Variants in CARD19 observed in about 807,000 individuals in gnomAD.
CARD19 encodes the protein caspase recruitment domain family member 19, also known as caspase recruitment domain-containing protein 19.
A neutral mutation model predicts 24.1 loss-of-function variants in CARD19; 25 were observed. That is an observed-to-expected ratio of 1.04 (90% CI 0.76 to 1.45). The LOEUF (loss-of-function observed/expected upper bound fraction) is 1.45. Among genes scored for constraint, CARD19 ranks in the 40% most tolerant of loss-of-function variants. CARD19 has a pLI of 0.00. For missense variants in CARD19, 241 were observed against 247.4 expected, an observed-to-expected ratio of 0.97 and a Z score of 0.17; for synonymous variants, 103 against 104.9, an observed-to-expected ratio of 0.98 and a Z score of 0.11.
At chr9:93,100,700 C>T (rs1297054022) in intron 1 of CARD19, among the ~76,000 whole-genome samples, 1 of 152,212 alleles carries the variant, frequency 6.6e-6, no homozygotes, top group Non-Finnish European at 1.5e-5. Flanking sequence ...AATTTTGTAC[C>T]CGTTAAACAA....
chr9:93,101,543 G>A (rs1188745982), intron 1 of CARD19, among the ~76,000 whole-genome samples: 2 of 151,852 alleles, frequency 1.3e-5, no homozygotes, highest in South Asian at 2.1e-4. Flanking sequence ...GGGTTGAAGC[G>A]ATTCTCCTGC....
chr9:93,096,824 G>T lies in CARD19; in HGVS notation c.7+472G>T, dbSNP rs1411069334. Among the ~76,000 whole-genome samples the T allele has an allele frequency of 6.6e-6, 1 of 152,196 alleles. No individual in the cohort carries two copies. Among genetic ancestry groups the T allele is most frequent in the Non-Finnish European group, 1.5e-5 (1 of 68,020 alleles). ...TCCTTACAACCACCCCAGCGAGGTC[G>T]CGGGACAGGCGATGCGTTCCTCGGC... On this transcript the variant is annotated intron_variant, in intron 1 of 5. Coordinates refer to ENST00000375464, the MANE Select transcript of CARD19 (RefSeq NM_032310.5). This position sits in a 1 kb window ranked among gnomAD's most constrained non-coding sequence, Gnocchi z 5.4.
intron 2 of CARD19, among the ~76,000 whole-genome samples, chr9:93,108,130 G>T (rs1477084422): frequency 6.6e-6 from 1 of 152,132 alleles, no homozygotes; most frequent in Non-Finnish European, 1.5e-5. Context: ...AATACATGAA[G>T]CACACAACAG....
intron 1 of CARD19, among the ~76,000 whole-genome samples, chr9:93,102,708 A>G (rs1273985980): frequency 6.7e-6 from 1 of 149,560 alleles, no homozygotes. Context: ...TTGAAATTCT[A>G]TATGAGTTTT....
chr9:93,112,831 C>T (rs1048257614), intron 5 of CARD19, among the ~76,000 whole-genome samples, 161 bp from the exon 6 acceptor site: 6 of 152,190 alleles, frequency 3.9e-5, no homozygotes, highest in Admixed American at 1.3e-4. Context: ...GCTCTGGAAT[C>T]TGCCCTAATT....
Position 93,096,648 on chromosome 9 carries a change from T to A in CARD19, c.7+296T>A, listed in dbSNP as rs1225642786. 6.6e-6 allele frequency among the ~76,000 whole-genome samples: 1 copy of A among 152,156 alleles called. No individual in the cohort carries two copies. Among genetic ancestry groups the A allele is most frequent in the Non-Finnish European group, 1.5e-5 (1 of 68,024 alleles). ...CTACAAGGCAGCTCCAGGGTGGGGCTGCACAGCCGCGGTCTGGGCTCAGCC... is the reference window on the plus strand; with the variant it reads ...CTACAAGGCAGCTCCAGGGTGGGGCAGCACAGCCGCGGTCTGGGCTCAGCC... On this transcript the variant is annotated intron_variant, in intron 1 of 5. Transcript: ENST00000375464. The surrounding 1 kb of genome is among the most constrained non-coding windows in gnomAD (Gnocchi z 5.4).
At chr9:93,102,109 G>A (rs751035691) in intron 1 of CARD19, among the ~76,000 whole-genome samples, 2 of 151,816 alleles carry the variant, frequency 1.3e-5, no homozygotes, top group Non-Finnish European at 2.9e-5. Flanking sequence ...TTACAGGCAC[G>A]CACCACCATG....
rs1221973722 is a variant in CARD19 at position 93,096,979 on chromosome 9, G to A, written c.7+627G>A. Among the ~76,000 whole-genome samples the A allele has an allele frequency of 6.6e-6, 1 of 152,154 alleles. No homozygotes were observed. Among genetic ancestry groups the A allele is most frequent in the Admixed American group, 6.5e-5 (1 of 15,280 alleles). On this transcript the variant is annotated intron_variant, in intron 1 of 5. Coordinates refer to ENST00000375464, the MANE Select transcript of CARD19 (RefSeq NM_032310.5). This position sits in a 1 kb window ranked among gnomAD's most constrained non-coding sequence, Gnocchi z 5.4. ...ACCCCCCAAGGTTGTTGTGCTCCACGCTAGTGGCCCCAGCCCAGCCTTCCT... is the reference window on the plus strand; with the variant it reads ...ACCCCCCAAGGTTGTTGTGCTCCACACTAGTGGCCCCAGCCCAGCCTTCCT...
At chr9:93,098,839 TGCTGGCCAC>T (rs1326992540) in intron 1 of CARD19, among the ~76,000 whole-genome samples, 1 of 151,500 alleles carries the variant, frequency 6.6e-6, no homozygotes, top group African/African-American at 2.4e-5. Context: ...CACTACAGGA[TGCTGGCCAC>T]GGTCCACCTA....
chr9:93,111,366 C>T, intron 3 of CARD19: 1 of 1,104,594 alleles, frequency 9.1e-7, no homozygotes, highest in Non-Finnish European at 1.1e-6. Flanking sequence ...TCTGACGCCT[C>T]TGTGCTCAGG....
chr9:93,111,069 A>G, intron 3 of CARD19: 1 of 1,347,618 alleles, frequency 7.4e-7, no homozygotes, highest in African/African-American at 1.5e-5. Flanking sequence ...CTGTGTGGAC[A>G]GCAACCTTGT....
chr9:93,097,328 T>C (rs1484376277), intron 1 of CARD19, among the ~76,000 whole-genome samples: 2 of 151,984 alleles, frequency 1.3e-5, no homozygotes, highest in Non-Finnish European at 2.9e-5. Context: ...ACTGATGACT[T>C]CCAGGACACC....
At chr9:93,108,213 G>T (rs537190302) in intron 2 of CARD19, among the ~76,000 whole-genome samples, 2 of 152,208 alleles carry the variant, frequency 1.3e-5, no homozygotes, top group Non-Finnish European at 2.9e-5. Context: ...AGGGAGAGCC[G>T]AAGTGGGATG....
At position 93,096,547 on chromosome 9, in the gene CARD19, G is replaced by A. The variant is rs576201902; in HGVS notation, c.7+195G>A. ...GGTGGGTGTCCCGGGGCTTCTACCCGGCGGGGCCGTGCCAGCCGAGGCGGT... is the reference window on the plus strand; with the variant it reads ...GGTGGGTGTCCCGGGGCTTCTACCCAGCGGGGCCGTGCCAGCCGAGGCGGT... On this transcript the variant is annotated intron_variant, in intron 1 of 5. Transcript: ENST00000375464. The surrounding 1 kb of genome is among the most constrained non-coding windows in gnomAD (Gnocchi z 5.4). Among the ~76,000 whole-genome samples, 1 of 152,180 alleles carries A rather than the reference G, an allele frequency of 6.6e-6. No individual in the cohort carries two copies. Among genetic ancestry groups the A allele is most frequent in the Admixed American group, 6.5e-5 (1 of 15,282 alleles).
chr9:93,110,804 C>A (rs1341123100), intron 3 of CARD19, 83 bp downstream of exon 3: 7 of 1,542,544 alleles, frequency 4.5e-6, no homozygotes, highest in Non-Finnish European at 6.1e-6. Flanking sequence ...CATGGATGTC[C>A]TCCATGACCA....
At chr9:93,104,179 T>G (rs4743883) in intron 1 of CARD19, among the ~76,000 whole-genome samples, 77,905 of 152,162 alleles carry the variant, frequency 0.51, 23,891 homozygotes, top group Admixed American at 0.68. Context: ...CAATGTATAC[T>G]TCTTTTAATA....
chr9:93,107,176 C>T (rs1001725603), intron 1 of CARD19, among the ~76,000 whole-genome samples: 1 of 152,156 alleles, frequency 6.6e-6, no homozygotes, highest in South Asian at 2.1e-4. Flanking sequence ...GCAGAGCGCA[C>T]ATCTGGGCAT....
intron 1 of CARD19, 80 bp from the exon 2 acceptor site, chr9:93,107,594 G>A: frequency 6.5e-7 from 1 of 1,536,508 alleles, no homozygotes; most frequent in Non-Finnish European, 8.9e-7. Context: ...ATGCCTTCCT[G>A]TGGTCAGTGT....
chr9:93,107,843 G>A (rs756942790), intron 2 of CARD19, 27 bp downstream of exon 2: 25 of 1,613,738 alleles, frequency 1.5e-5, no homozygotes, highest in Non-Finnish European at 1.9e-5. Context: ...GGGGGTACCC[G>A]AGACACTGCT....
Sources: gnomAD v4.1 joint callset for allele counts (sites outside exome capture counted in the v4.1 genomes callset) on GRCh38, gnomAD v4.1.1 for gene constraint, Gnocchi (gnomAD v3.1) non-coding constraint, MANE v1.5 for transcripts, NCBI Gene and HGNC (gene_info 2026-07-23, HGNC 2026-07-21) for gene names.